GLDC: variants seen among roughly 807,000 people sequenced by gnomAD.
GLDC encodes the protein glycine dehydrogenase (decarboxylating), mitochondrial.
GLDC carries 104 observed loss-of-function variants against 121.3 expected under a neutral mutation model. The observed-to-expected ratio is 0.86, with a 90% CI of 0.73 to 1.01. The LOEUF (loss-of-function observed/expected upper bound fraction) is 1.01. Ranked by LOEUF, GLDC falls within the 50% of genes least tolerant of loss-of-function variation. GLDC has a pLI of 0.00. For missense variants in GLDC, 1,429 were observed against 1,306.6 expected, an observed-to-expected ratio of 1.09 and a Z score of -1.44; for synonymous variants, 546 against 480.6, an observed-to-expected ratio of 1.14 and a Z score of -1.78.
chr9:6,638,749 G>A (rs1423455838), intron 2 of GLDC, among the ~76,000 whole-genome samples: 2 of 152,010 alleles, frequency 1.3e-5, no homozygotes, highest in African/African-American at 4.8e-5. Context: ...GGTGGCTCCC[G>A]CCTATAATCC....
Position 6,532,892 on chromosome 9 carries a change from T to A in GLDC, c.*125A>T. 1.3e-6 allele frequency: 1 copy of A among 774,054 alleles called. No individual in the cohort carries two copies. Among genetic ancestry groups the A allele is most frequent in the Non-Finnish European group, 2.3e-6 (1 of 425,948 alleles). The allele number at this position is 774,054 out of a possible 1,614,324, so 47.9% of individuals were successfully genotyped here. On this transcript the variant is annotated 3_prime_UTR_variant, in exon 25 of 25. Coordinates refer to ENST00000321612, the MANE Select transcript of GLDC (RefSeq NM_000170.3). The stretch of plus-strand genomic sequence containing the variant: ...TATTTACATTTACCTTGACAGAGAT[T>A]ACAGAGATATACACAGTATATAAAA...
At chr9:6,583,073 G>C (rs910330676) in intron 15 of GLDC, among the ~76,000 whole-genome samples, 1 of 152,162 alleles carries the variant, frequency 6.6e-6, no homozygotes, top group Non-Finnish European at 1.5e-5. Flanking sequence ...ACAAATGTTG[G>C]TGGGGGACGT....
intron 21 of GLDC, chr9:6,541,384 T>G (rs10815441): frequency 0.15 from 22,936 of 152,180 alleles, 2,041 homozygotes; most frequent in East Asian, 0.3. Flanking sequence ...CTTAACCCAC[T>G]TTCCTCACTC....
intron 2 of GLDC, among the ~76,000 whole-genome samples, chr9:6,626,013 A>T (rs10481603): frequency 0.19 from 29,610 of 151,966 alleles, 3,292 homozygotes; most frequent in East Asian, 0.37. Context: ...TCCCTCTGAG[A>T]ACACAAAATG....
intron 2 of GLDC, chr9:6,639,205 TA>T: frequency 1.1e-6 from 1 of 878,398 alleles, no homozygotes; most frequent in Non-Finnish European, 1.9e-6. Flanking sequence ...GAGAATGCTT[TA>T]AAGGCCAAGA....
intron 16 of GLDC, among the ~76,000 whole-genome samples, chr9:6,561,144 G>C (rs1321194012): frequency 6.6e-6 from 1 of 152,196 alleles, no homozygotes; most frequent in Non-Finnish European, 1.5e-5. Flanking sequence ...AAATTAATGT[G>C]TGTTGTTTTA....
intron 17 of GLDC, chr9:6,557,751 C>T (rs1396118256): frequency 6.6e-6 from 1 of 152,082 alleles, no homozygotes; most frequent in Non-Finnish European, 1.5e-5. Flanking sequence ...GTTTTCCTGG[C>T]CAGCATATCA....
intron 2 of GLDC, chr9:6,639,245 C>T: frequency 2.3e-6 from 2 of 877,260 alleles, no homozygotes; most frequent in South Asian, 2.7e-5. Flanking sequence ...TCCACAGCCA[C>T]AAAAAAAAAG....
intron 23 of GLDC, 27 bp from the exon 24 acceptor site, chr9:6,534,815 G>GA: frequency 7.7e-7 from 1 of 1,306,630 alleles, no homozygotes; most frequent in Non-Finnish European, 1.1e-6. Flanking sequence ...GACAGAGGAG[G>GA]GGTCAGAGCA....
chr9:6,581,062 T>C (rs901283683), intron 15 of GLDC, among the ~76,000 whole-genome samples: 48 of 152,194 alleles, frequency 3.2e-4, no homozygotes, highest in African/African-American at 1.1e-3. Context: ...GCCAGGCACG[T>C]TCTTGGTTGA....
At chr9:6,629,897 A>C (rs1819325458) in intron 2 of GLDC, among the ~76,000 whole-genome samples, 1 of 145,224 alleles carries the variant, frequency 6.9e-6, no homozygotes, top group South Asian at 2.2e-4. Context: ...TAAATACAAG[A>C]TAATAGATGT....
intron 2 of GLDC, among the ~76,000 whole-genome samples, chr9:6,638,547 T>A (rs774272787): frequency 2.0e-5 from 3 of 152,176 alleles, no homozygotes; most frequent in Non-Finnish European, 4.4e-5. Context: ...AGAAGATATA[T>A]TCCAACTCTT....
At chr9:6,580,078 CT>C (rs1213979854) in intron 15 of GLDC, among the ~76,000 whole-genome samples, 1 of 152,226 alleles carries the variant, frequency 6.6e-6, no homozygotes, top group East Asian at 1.9e-4. Flanking sequence ...TTCATTTCCC[CT>C]GAAGCACCCT....
At chr9:6,534,204 AAG>A (rs1182791125) in intron 24 of GLDC, 2 of 159,410 alleles carry the variant, frequency 1.3e-5, no homozygotes, top group Non-Finnish European at 2.8e-5. Flanking sequence ...AAAAAAAAGA[AAG>A]AAAAAAAAAG....
intron 2 of GLDC, among the ~76,000 whole-genome samples, chr9:6,623,638 G>C (rs932055890): frequency 6.6e-6 from 1 of 152,154 alleles, no homozygotes; most frequent in Admixed American, 6.5e-5. Context: ...AAAAGAGAGA[G>C]ATATGGTACT....
At chr9:6,574,056 G>C (rs1818015608) in intron 15 of GLDC, among the ~76,000 whole-genome samples, 2 of 152,124 alleles carry the variant, frequency 1.3e-5, no homozygotes, top group African/African-American at 2.4e-5. Context: ...GTATCAATTT[G>C]ACATAAGTTT....
At position 6,540,036 on chromosome 9, in the gene GLDC, T is replaced by G. The variant is rs776023569; in HGVS notation, c.2665+15A>C. On this transcript the variant is annotated intron_variant, in intron 22 of 24. Transcript: ENST00000321612. ...GCCAGCATGGGCGGCGGCATGAATG[T>G]CAAAAGCCACTTACCATAATCCTGG... 2 of 1,562,376 alleles carry G rather than the reference T, an allele frequency of 1.3e-6. No homozygotes were observed. The highest frequency in any genetic ancestry group is 3.3e-5 in the Admixed American group (2 of 59,964).
intron 24 of GLDC, 133 bp downstream of exon 24, chr9:6,534,575 C>A (rs1211809132): frequency 4.5e-6 from 3 of 671,610 alleles, no homozygotes; most frequent in Non-Finnish European, 8.3e-6. Context: ...CTCCTCATTC[C>A]TCTTCAAGAC....
Position 6,606,785 on chromosome 9 carries a change from T to C in GLDC, c.636-116A>G, listed in dbSNP as rs1302323354. The C allele has an allele frequency of 2.1e-5, 16 of 764,006 alleles. No individual in the cohort carries two copies. In the East Asian group the frequency reaches 3.6e-4, roughly 17 times the overall value. 47.3% of individuals were successfully genotyped at this position (764,006 alleles called of 1,614,324 possible). Reference sequence around the variant, plus strand: ...AGTCTAAGCACAGTATAAAAAATACTGAGTAGGCCGGGTGCGGTGGCTCAC... The same window carrying C: ...AGTCTAAGCACAGTATAAAAAATACCGAGTAGGCCGGGTGCGGTGGCTCAC... On this transcript the variant is annotated intron_variant, in intron 4 of 24. Coordinates refer to ENST00000321612, the MANE Select transcript of GLDC (RefSeq NM_000170.3).
Sources: allele counts gnomAD v4.1 joint callset (sites outside exome capture counted in the v4.1 genomes callset), GRCh38; gene constraint gnomAD v4.1.1; transcripts MANE v1.5; gene names NCBI Gene and HGNC (gene_info 2026-07-23, HGNC 2026-07-21).